Variants in SMIM8 observed in about 807,000 individuals in gnomAD.
SMIM8 encodes the protein UPF0708 protein C6orf162.
Under a neutral mutation model 8.1 loss-of-function variants are expected in SMIM8, and 8 were observed. The ratio of observed to expected loss-of-function variants is 0.99; its 90% CI spans 0.58 to 1.78. The LOEUF is 1.78. SMIM8 is among the 40% of genes most tolerant of loss of function. The pLI is 0.00. For missense variants in SMIM8, 126 were observed against 119.8 expected, an observed-to-expected ratio of 1.05 and a Z score of -0.24; for synonymous variants, 45 against 39.7, an observed-to-expected ratio of 1.13 and a Z score of -0.50.
chr6:87,324,896 G>A (rs144739741), intron 1 of SMIM8, among the ~76,000 whole-genome samples: 41 of 152,214 alleles, frequency 2.7e-4, no homozygotes, highest in Non-Finnish European at 4.9e-4. Context: ...TTCTTCCTAC[G>A]CATGAGCATG....
intron 2 of SMIM8, among the ~76,000 whole-genome samples, chr6:87,333,404 G>A (rs58221633): frequency 0.011 from 1,696 of 152,282 alleles, 36 homozygotes; most frequent in African/African-American, 0.037. Context: ...CCAAACTATA[G>A]CACCCACGTT....
At chr6:87,329,028 G>GTCA (rs1381799558) in intron 1 of SMIM8, 1 of 152,992 alleles carries the variant, frequency 6.5e-6, no homozygotes, top group Non-Finnish European at 1.5e-5. Flanking sequence ...TGTGCCGTCT[G>GTCA]TCACCCTTTT....
intron 3 of SMIM8, among the ~76,000 whole-genome samples, chr6:87,339,325 C>T (rs997557298): frequency 8.1e-6 from 1 of 124,086 alleles, no homozygotes; most frequent in Non-Finnish European, 1.7e-5. Context: ...CAAAACACAG[C>T]GTGTGTGTGT....
intron 1 of SMIM8, among the ~76,000 whole-genome samples, chr6:87,328,253 G>A (rs1341879157): frequency 3.3e-5 from 5 of 152,076 alleles, no homozygotes; most frequent in South Asian, 2.1e-4. Context: ...CTCTCAGCTC[G>A]TCAAAGTCAT....
chr6:87,327,128 TC>T (rs2127917249), intron 1 of SMIM8, among the ~76,000 whole-genome samples: 1 of 151,772 alleles, frequency 6.6e-6, no homozygotes, highest in Admixed American at 6.6e-5. Context: ...TGGTAGATGT[TC>T]CTCCATCCTT....
intron 2 of SMIM8, among the ~76,000 whole-genome samples, chr6:87,336,770 A>G (rs1463478114): frequency 1.3e-5 from 2 of 152,200 alleles, no homozygotes; most frequent in East Asian, 3.9e-4. Context: ...AAGCAGGAAA[A>G]CAACCTTTGC....
intron 2 of SMIM8, among the ~76,000 whole-genome samples, chr6:87,336,788 T>G (rs1296457920): frequency 1.3e-5 from 2 of 152,200 alleles, no homozygotes; most frequent in East Asian, 3.8e-4. Context: ...TGCCCACCAC[T>G]TTTATTTTGA....
intron 3 of SMIM8, 44 bp downstream of exon 3, chr6:87,337,210 A>T (rs758023846): frequency 6.6e-7 from 1 of 1,522,390 alleles, no homozygotes; most frequent in South Asian, 1.4e-5. Context: ...TAATCCAACC[A>T]GACTGTCAGA....
Position 87,322,834 on chromosome 6 carries a change from C to T in SMIM8, c.-45+202C>T, listed in dbSNP as rs375949595. 2.0e-5 allele frequency: 3 copies of T among 152,410 alleles called. No homozygotes were observed. In the East Asian group the frequency reaches 5.8e-4, roughly 29 times the overall value. The allele number at this position is 152,410 out of a possible 1,614,324, so 9.4% of individuals were successfully genotyped here. On this transcript the variant is annotated intron_variant, in intron 1 of 3. Coordinates refer to ENST00000392863, the MANE Select transcript of SMIM8 (RefSeq NM_001042493.3). The stretch of plus-strand genomic sequence containing the variant: ...CCGCACCCCAAGTCGGTGAAGCTCT[C>T]TGGCCCCACAGAGCCCATTTCCCGT...
intron 1 of SMIM8, 192 bp downstream of exon 1, chr6:87,322,824 G>C (rs1187265205): frequency 6.6e-6 from 1 of 152,192 alleles, no homozygotes; most frequent in Non-Finnish European, 1.5e-5. Flanking sequence ...CCCCAAGTCG[G>C]TGAAGCTCTC....
chr6:87,332,813 A>G (rs1171611442), intron 2 of SMIM8, among the ~76,000 whole-genome samples: 2 of 152,204 alleles, frequency 1.3e-5, no homozygotes, highest in African/African-American at 4.8e-5. Context: ...ATTTTTATCT[A>G]ATGCCTCAGT....
At chr6:87,328,127 A>C (rs879153892) in intron 1 of SMIM8, among the ~76,000 whole-genome samples, 1 of 152,080 alleles carries the variant, frequency 6.6e-6, no homozygotes, top group African/African-American at 2.4e-5. Flanking sequence ...AGCACTTCTC[A>C]GTATTGGTTA....
chr6:87,340,237 A>G lies in SMIM8; in HGVS notation c.257A>G (p.His86Arg). 6.2e-7 allele frequency: 1 copy of G among 1,609,912 alleles called. No homozygotes were observed. Among genetic ancestry groups the G allele is most frequent in the South Asian group, 1.1e-5 (1 of 90,012 alleles). The change falls in exon 4 of 4, where the codon CAC becomes CGC. Residue 86 changes from histidine to arginine, a missense_variant. By Grantham distance (29) the His-to-Arg change is conservative. Transcript: ENST00000392863. Reference protein sequence around the residue: ...DLYEAIDSEGHSYMRRKTSKW... With the variant: ...DLYEAIDSEGRSYMRRKTSKW... ...TATGAAGCTATTGATAGTGAGGGGCACAGTTATATGAGGCGGAAAACATCC... is the reference window on the plus strand; with the variant it reads ...TATGAAGCTATTGATAGTGAGGGGCGCAGTTATATGAGGCGGAAAACATCC...
Position 87,340,939 on chromosome 6 carries a change from T to TA in SMIM8, c.*680dup, listed in dbSNP as rs34117394. 393 of 161,114 alleles carry TA rather than the reference T, an allele frequency of 2.4e-3. No individual in the cohort carries two copies. Among genetic ancestry groups the TA allele is most frequent in the Middle Eastern group, 5.5e-3 (2 of 362 alleles). The allele number at this position is 161,114 out of a possible 1,614,324, so 10.0% of individuals were successfully genotyped here. ...TCCCAGAGTAATTGGAGTTTTTCTT[T>TA]AAAAAAAAAAAAAAAGTATGTTTTA... is the stretch of plus-strand genomic sequence containing the variant. On this transcript the variant is annotated 3_prime_UTR_variant, in exon 4 of 4. Coordinates refer to ENST00000392863, the MANE Select transcript of SMIM8 (RefSeq NM_001042493.3).
At position 87,340,200 on chromosome 6, in the gene SMIM8, A is replaced by G. The variant is rs917938464; in HGVS notation, c.220A>G (p.Lys74Glu). The change falls in exon 4 of 4, where the codon AAA becomes GAA. Residue 74 changes from lysine to glutamate, a missense_variant. Coordinates refer to ENST00000392863, the MANE Select transcript of SMIM8 (RefSeq NM_001042493.3). Reference protein sequence around the residue: ...IGYLHAIQENKKDLYEAIDSE... With the variant: ...IGYLHAIQENEKDLYEAIDSE... ...TTATCTACATGCAATACAAGAGAATAAAAAGGACCTCTATGAAGCTATTGA... is the reference window on the plus strand; with the variant it reads ...TTATCTACATGCAATACAAGAGAATGAAAAGGACCTCTATGAAGCTATTGA... 2.5e-6 allele frequency: 4 copies of G among 1,611,278 alleles called. No individual in the cohort carries two copies. Among genetic ancestry groups the G allele is most frequent in the Non-Finnish European group, 2.5e-6 (3 of 1,179,166 alleles).
chr6:87,335,661 ATTGATT>A lies in SMIM8; in HGVS notation c.-23-1345_-23-1340del, dbSNP rs564412699. On this transcript the variant is annotated intron_variant, in intron 2 of 3. Transcript: ENST00000392863. The stretch of plus-strand genomic sequence containing the variant: ...TCCTTAACTACGAAGTTGTGAAAAT[ATTGATT>A]TTATAAAGTCTATAAAATAGTAAGC... Among the ~76,000 whole-genome samples, 386 of 152,190 alleles carry A rather than the reference ATTGATT, an allele frequency of 2.5e-3. 2 individuals carry two copies. Among genetic ancestry groups the A allele is most frequent in the African/African-American group, 9.0e-3 (372 of 41,532 alleles).
chr6:87,335,408 C>T (rs1446733818), intron 2 of SMIM8, among the ~76,000 whole-genome samples: 2 of 152,036 alleles, frequency 1.3e-5, no homozygotes, highest in Non-Finnish European at 2.9e-5. Context: ...GTGGTGATAG[C>T]GATGAAGAAG....
At chr6:87,337,273 G>GT (rs1160746518) in intron 3 of SMIM8, 107 bp downstream of exon 3, 1 of 1,259,456 alleles carries the variant, frequency 7.9e-7, no homozygotes, top group African/African-American at 1.5e-5. Context: ...ATGTTGACAA[G>GT]TAAGACCTCT....
chr6:87,329,437 G>A (rs1020230036), intron 1 of SMIM8, among the ~76,000 whole-genome samples: 5 of 152,098 alleles, frequency 3.3e-5, no homozygotes, highest in Non-Finnish European at 7.4e-5. Flanking sequence ...ACCACACCCA[G>A]CTAATTTTTG....
Sources: allele counts gnomAD v4.1 joint callset (sites outside exome capture counted in the v4.1 genomes callset), GRCh38; gene constraint gnomAD v4.1.1; transcripts MANE v1.5; gene names NCBI Gene and HGNC (gene_info 2026-07-23, HGNC 2026-07-21).